The following VIT variants were observed in gnomAD, a reference collection of about 807,000 sequenced individuals.
The protein encoded by VIT is vitrin.
A neutral mutation model predicts 78.0 loss-of-function variants in VIT; 99 were observed. That is an observed-to-expected ratio of 1.27 (90% confidence interval 1.08 to 1.50). The LOEUF is 1.50. Among genes scored for constraint, VIT ranks in the 40% most tolerant of loss-of-function variants. The pLI, the probability that VIT is intolerant of heterozygous loss-of-function variation, is 0.00. For synonymous variants in VIT, 374 were observed against 334.3 expected (o/e 1.12, Z -1.29); for missense variants, 1,126 against 875.3 (o/e 1.29, Z -3.61).
At chr2:36,699,805 C>A (rs1183147559) in intron 1 of VIT, among the ~76,000 whole-genome samples, 3 of 152,076 alleles carry the variant, frequency 2.0e-5, no homozygotes, top group South Asian at 2.1e-4. Flanking sequence ...TAATTTAAAG[C>A]CTTACATGCG....
chr2:36,717,659 C>T (rs1040134390), intron 2 of VIT, among the ~76,000 whole-genome samples: 2 of 152,096 alleles, frequency 1.3e-5, no homozygotes, highest in Non-Finnish European at 2.9e-5. Context: ...AGGGCCAAGC[C>T]CAAGGGTAAT....
chr2:36,766,833 CT>C (rs1229187914), intron 6 of VIT, among the ~76,000 whole-genome samples: 4 of 152,080 alleles, frequency 2.6e-5, no homozygotes, highest in African/African-American at 4.8e-5. Flanking sequence ...CATGTTCTGC[CT>C]TGTCTATGTT....
Position 36,729,536 on chromosome 2 carries a change from C to T in VIT, c.118+45C>T, listed in dbSNP as rs771022396. The T allele has an allele frequency of 3.2e-6, 5 of 1,571,160 alleles. No individual in the cohort carries two copies. In the African/African-American group the frequency reaches 6.9e-5, roughly 22 times the overall value. ...CTTGCTGGCATAATGCTTGTTTCTC[C>T]CACATGGAGGGTTATTATACTTGTT... is the stretch of plus-strand genomic sequence containing the variant. On this transcript the variant is annotated intron_variant, in intron 3 of 15. Coordinates refer to ENST00000379242, the MANE Select transcript of VIT (RefSeq NM_053276.4).
chr2:36,719,410 A>C (rs149949854), intron 2 of VIT, among the ~76,000 whole-genome samples: 1,539 of 152,320 alleles, frequency 0.01, 32 homozygotes, highest in African/African-American at 0.035. Flanking sequence ...TGCAGATAAC[A>C]TGATATTATA....
intron 1 of VIT, among the ~76,000 whole-genome samples, chr2:36,702,047 G>C (rs570061182): frequency 4.6e-5 from 7 of 152,184 alleles, no homozygotes; most frequent in Non-Finnish European, 1.0e-4. Flanking sequence ...AGCAAAGTAG[G>C]ATGCAGAGAG....
rs1171578626 is a variant in VIT at position 36,767,214 on chromosome 2, C to T, written c.608C>T (p.Pro203Leu). The change falls in exon 7 of 16, where the codon CCA becomes CTA. Residue 203 changes from proline (P) to leucine (L), a missense_variant. Physicochemically the swap from Pro to Leu is moderately conservative, Grantham distance 98 (BLOSUM62 -3). Coordinates refer to ENST00000379242, the MANE Select transcript of VIT (RefSeq NM_053276.4). ...AVATPTTLPR[P>L]SPSAASTTSI... ...GCCACCCCCACCACCTTGCCAAGGC[C>T]ATCCCCTTCTGCTGCTTCTACCACC... 1.2e-6 allele frequency: 2 copies of T among 1,608,134 alleles called. No homozygotes were observed. Among genetic ancestry groups the T allele is most frequent in the African/African-American group, 1.3e-5 (1 of 74,704 alleles).
intron 11 of VIT, among the ~76,000 whole-genome samples, chr2:36,786,629 G>A (rs1443493317): frequency 6.6e-6 from 1 of 152,234 alleles, no homozygotes; most frequent in East Asian, 1.9e-4. Flanking sequence ...GGGAAATGAA[G>A]GAGAAGATTG....
At chr2:36,725,608 G>A (rs926631992) in intron 2 of VIT, among the ~76,000 whole-genome samples, 14 of 100,648 alleles carry the variant, frequency 1.4e-4, no homozygotes, top group African/African-American at 4.9e-4. Context: ...GGGGTGGGGG[G>A]GGGGTGGGTA....
At chr2:36,724,021 A>ATT (rs111231114) in intron 2 of VIT, among the ~76,000 whole-genome samples, 7 of 142,906 alleles carry the variant, frequency 4.9e-5, no homozygotes, top group Non-Finnish European at 6.2e-5. Context: ...AAACACTGGA[A>ATT]TTTTTTTTTT....
In VIT at chr2:36,775,073, C is replaced by G; in HGVS notation, c.802+6C>G. ...TGGAGCGGATGTCAGCCTGGGTAAG[C>G]TGCCCACTGCTTACCATCTCTGCTC... On this transcript the variant is annotated splice_donor_region_variant and intron_variant, in intron 9 of 15. Transcript: ENST00000379242. The G allele has an allele frequency of 6.2e-7, 1 of 1,613,598 alleles. No homozygotes were observed. Among genetic ancestry groups the G allele is most frequent in the Non-Finnish European group, 8.5e-7 (1 of 1,179,958 alleles).
chr2:36,715,179 C>T (rs562652945), intron 1 of VIT, among the ~76,000 whole-genome samples: 3 of 152,262 alleles, frequency 2.0e-5, no homozygotes, highest in South Asian at 4.1e-4. Context: ...TCTAGCACTA[C>T]CCCCCACCTA....
intron 12 of VIT, among the ~76,000 whole-genome samples, chr2:36,796,426 G>A (rs1242860870): frequency 6.6e-6 from 1 of 152,114 alleles, no homozygotes; most frequent in Non-Finnish European, 1.5e-5. Flanking sequence ...CAGTGCTCAT[G>A]GCAACTGCAA....
At chr2:36,734,784 T>C (rs561238265) in intron 3 of VIT, among the ~76,000 whole-genome samples, 1 of 152,300 alleles carries the variant, frequency 6.6e-6, no homozygotes, top group African/African-American at 2.4e-5. Flanking sequence ...TTCTTTGGTC[T>C]GTCCGTGGGC....
chr2:36,710,279 A>G (rs1004630900), intron 1 of VIT, among the ~76,000 whole-genome samples: 1 of 152,188 alleles, frequency 6.6e-6, no homozygotes, highest in African/African-American at 2.4e-5. Flanking sequence ...AAAGATTTAA[A>G]TAGGACAAAA....
At chr2:36,738,015 G>T (rs576672089) in intron 3 of VIT, among the ~76,000 whole-genome samples, 1 of 152,250 alleles carries the variant, frequency 6.6e-6, no homozygotes, top group African/African-American at 2.4e-5. Flanking sequence ...AGAAATAACG[G>T]GAAAACAGTA....
chr2:36,776,105 C>T (rs78887474), intron 9 of VIT, among the ~76,000 whole-genome samples: 2,961 of 152,286 alleles, frequency 0.019, 104 homozygotes, highest in African/African-American at 0.068. Context: ...TACCCTATAT[C>T]GAATAACTTC....
At position 36,787,184 on chromosome 2, in the gene VIT, G is replaced by A; in HGVS notation, c.966G>A (p.Arg322=). The change falls in exon 12 of 16, where the codon CGG becomes CGA. Residue 322 remains arginine, a synonymous_variant. Coordinates refer to ENST00000379242, the MANE Select transcript of VIT (RefSeq NM_053276.4). The part of the protein sequence containing the change: ...LIDGSTSIGK[R]RFRIQKQLLA... ...ATGGGAGCACCAGCATTGGCAAACGGCGATTCCGAATCCAGAAGCAGCTCC... is the reference window on the plus strand; with the variant it reads ...ATGGGAGCACCAGCATTGGCAAACGACGATTCCGAATCCAGAAGCAGCTCC... 6.2e-7 allele frequency: 1 copy of A among 1,614,154 alleles called. No homozygotes were observed. Among genetic ancestry groups the A allele is most frequent in the Non-Finnish European group, 8.5e-7 (1 of 1,180,034 alleles).
rs373614713 is a variant in VIT, at chr2:36,814,137, C to T, written c.1904-46C>T. 39 of 1,589,748 alleles carry T rather than the reference C, an allele frequency of 2.5e-5. No individual in the cohort carries two copies. The African/African-American group carries it at 4.2e-4, about 17-fold the overall frequency. On this transcript the variant is annotated intron_variant, in intron 15 of 15. Transcript: ENST00000379242. The stretch of plus-strand genomic sequence containing the variant: ...CAAGAAGAGAGAGATTCTTTAGCAG[C>T]ACCTTTACTTGGGGACATTTGTTCA...
At chr2:36,701,974 G>A (rs1558497801) in intron 1 of VIT, among the ~76,000 whole-genome samples, 1 of 152,132 alleles carries the variant, frequency 6.6e-6, no homozygotes, top group Non-Finnish European at 1.5e-5. Context: ...CAATCTGGGG[G>A]CACATAATAA....
Sources: allele counts gnomAD v4.1 joint callset (sites outside exome capture counted in the v4.1 genomes callset), GRCh38; gene constraint gnomAD v4.1.1; transcripts MANE v1.5; gene names NCBI Gene and HGNC (gene_info 2026-07-23, HGNC 2026-07-21).